The following ITPR1 variants were observed in gnomAD, a reference collection of about 807,000 sequenced individuals.
ITPR1 encodes inositol 1,4,5-trisphosphate receptor type 1, also known as inositol 1,4,5-trisphosphate-gated calcium channel ITPR1.
In ITPR1, 96 loss-of-function variants were observed where a neutral mutation model predicts 318.4. The observed-to-expected ratio is 0.30, with a 90% confidence interval of 0.26 to 0.36. The LOEUF is 0.36. Among genes scored for constraint, ITPR1 ranks in the 10% least tolerant of loss-of-function variants. The probability of loss-of-function intolerance (pLI) is 1.00; values close to 1 mark genes in which losing one functional copy is unlikely to be tolerated. For missense variants in ITPR1, 2,440 were observed against 3,460.2 expected, an observed-to-expected ratio of 0.71 and a Z score of 7.40; for synonymous variants, 1,312 against 1,289.9, an observed-to-expected ratio of 1.02 and a Z score of -0.37.
intron 4 of ITPR1, among the ~76,000 whole-genome samples, chr3:4,521,656 TCTGGGAATTCTAGACCAGC>T (rs1335423613): frequency 6.6e-6 from 1 of 151,734 alleles, no homozygotes; most frequent in Non-Finnish European, 1.5e-5. Context: ...TCTAGACGAG[TCTGGGAATTCTAGACCAGC>T]CTGGGCAACA....
At chr3:4,613,236 C>T (rs1385569861) in intron 4 of ITPR1, among the ~76,000 whole-genome samples, 1 of 152,164 alleles carries the variant, frequency 6.6e-6, no homozygotes, top group Non-Finnish European at 1.5e-5. Flanking sequence ...GTCAGTCTTC[C>T]ACTAAATATA....
intron 2 of ITPR1, among the ~76,000 whole-genome samples, chr3:4,495,371 G>T (rs1320987317): frequency 6.6e-6 from 1 of 152,102 alleles, no homozygotes; most frequent in African/African-American, 2.4e-5. Flanking sequence ...TACAATCTTT[G>T]GGCTTTTCTA....
chr3:4,735,170 G>A lies in ITPR1; in HGVS notation c.5360G>A (p.Gly1787Asp), dbSNP rs747553464. 6.2e-7 allele frequency: 1 copy of A among 1,612,542 alleles called. No individual in the cohort carries two copies. Among genetic ancestry groups the A allele is most frequent in the Non-Finnish European group, 8.5e-7 (1 of 1,178,598 alleles). ...GPGKPGGGGG[G>D]SGSSSMSRGE... ...CAATATTCCATCTTCTTAGGGGGAG[G>A]TTCCGGATCCAGCTCTATGAGCAGG... is the stretch of plus-strand genomic sequence containing the variant. The change falls in exon 44 of 62, where the codon GGT becomes GAT. Residue 1787 changes from glycine (G) to aspartate (D), a missense_variant. Coordinates refer to ENST00000649015, the MANE Select transcript of ITPR1 (RefSeq NM_001378452.1).
At chr3:4,712,673 C>T (rs1490870207) in intron 39 of ITPR1, among the ~76,000 whole-genome samples, 5 of 152,224 alleles carry the variant, frequency 3.3e-5, no homozygotes, top group Non-Finnish European at 5.9e-5. Flanking sequence ...ATAATTAAAT[C>T]AGCCTGCCTT....
chr3:4,710,572 C>T lies in ITPR1; in HGVS notation c.4991+99C>T. On this transcript the variant is annotated intron_variant, in intron 38 of 61. Coordinates refer to ENST00000649015, the MANE Select transcript of ITPR1 (RefSeq NM_001378452.1). The surrounding 1 kb of genome is among the most constrained non-coding windows in gnomAD (Gnocchi z 4.2). ...AAGGAGACGTTGTCCTGTTTTTTAACTTTGATGAATGCAAGGTCATGTGCT... is the reference window on the plus strand; with the variant it reads ...AAGGAGACGTTGTCCTGTTTTTTAATTTTGATGAATGCAAGGTCATGTGCT... The T allele has an allele frequency of 2.4e-6, 3 of 1,250,692 alleles. No homozygotes were observed. Among genetic ancestry groups the T allele is most frequent in the South Asian group, 3.0e-5 (2 of 66,678 alleles). 77.5% of individuals were successfully genotyped at this position (1,250,692 alleles called of 1,614,324 possible).
chr3:4,665,628 G>C (rs2093930199), intron 17 of ITPR1, among the ~76,000 whole-genome samples: 1 of 152,086 alleles, frequency 6.6e-6, no homozygotes, highest in Admixed American at 6.5e-5. Flanking sequence ...AGATATAGTG[G>C]AGTCTTTTCT....
rs1279593428 is a variant in ITPR1, at chr3:4,716,405, A to G, written c.5104-962A>G. ...TGTTGACTTAAGTTATTACTCAAAGAGCTTTGGAAAGAAATTCAGAGGCCA... is the reference window on the plus strand; with the variant it reads ...TGTTGACTTAAGTTATTACTCAAAGGGCTTTGGAAAGAAATTCAGAGGCCA... On this transcript the variant is annotated intron_variant, in intron 39 of 61. Coordinates refer to ENST00000649015, the MANE Select transcript of ITPR1 (RefSeq NM_001378452.1). Among the ~76,000 whole-genome samples the G allele has an allele frequency of 3.9e-5, 6 of 152,206 alleles. No individual in the cohort carries two copies. In the East Asian group the frequency reaches 7.7e-4, roughly 19 times the overall value.
At position 4,645,498 on chromosome 3, in the gene ITPR1, A is replaced by G. The variant is rs73108472; in HGVS notation, c.708+28A>G. On this transcript the variant is annotated intron_variant, in intron 9 of 61. Transcript: ENST00000649015. ...GAGTTTGATGCTTTATGGGCTGAGCATTACTTGGCTCTTCTTGGGGGCAGC... is the reference window on the plus strand; with the variant it reads ...GAGTTTGATGCTTTATGGGCTGAGCGTTACTTGGCTCTTCTTGGGGGCAGC... 2.6e-3 allele frequency: 4,192 copies of G among 1,605,554 alleles called. 98 individuals are homozygous for G. The African/African-American group carries it at 0.049, about 19-fold the overall frequency.
At chr3:4,593,064 T>A (rs1325715328) in intron 4 of ITPR1, among the ~76,000 whole-genome samples, 2 of 152,212 alleles carry the variant, frequency 1.3e-5, no homozygotes, top group African/African-American at 2.4e-5. Flanking sequence ...TTGCTCGAAG[T>A]CAGGAGATTT....
intron 4 of ITPR1, among the ~76,000 whole-genome samples, chr3:4,604,375 A>G (rs1378342340): frequency 6.6e-6 from 1 of 152,128 alleles, no homozygotes; most frequent in African/African-American, 2.4e-5. Context: ...ACCAAGATGT[A>G]AAGCATGTCC....
chr3:4,703,172 T>A (rs940492966), intron 36 of ITPR1, among the ~76,000 whole-genome samples: 1 of 152,188 alleles, frequency 6.6e-6, no homozygotes, highest in African/African-American at 2.4e-5. Context: ...CTAAGTCAGA[T>A]AGGCCTAGAT....
intron 32 of ITPR1, 149 bp from the exon 33 acceptor site, chr3:4,693,341 T>A: frequency 1.2e-6 from 1 of 830,440 alleles, no homozygotes; most frequent in Non-Finnish European, 1.9e-6. Flanking sequence ...AGTTGTTCAG[T>A]TATATAAATG....
intron 52 of ITPR1, 68 bp downstream of exon 52, chr3:4,788,207 A>C: frequency 1.6e-6 from 2 of 1,265,672 alleles, no homozygotes; most frequent in Non-Finnish European, 1.1e-6. Flanking sequence ...CTTGGGCTTG[A>C]TGGTGCGTTC....
chr3:4,614,354 A>G (rs72622154), intron 4 of ITPR1, among the ~76,000 whole-genome samples: 18,468 of 152,252 alleles, frequency 0.12, 1,780 homozygotes, highest in East Asian at 0.46. Flanking sequence ...CCAGCGTTGC[A>G]GTGTAACGTG....
Position 4,674,181 on chromosome 3 carries a change from T to C in ITPR1, c.2457-21T>C. 3 of 1,528,912 alleles carry C rather than the reference T, an allele frequency of 2.0e-6. No individual in the cohort carries two copies. In the South Asian group the frequency reaches 3.8e-5, roughly 19 times the overall value. 94.7% of individuals were successfully genotyped at this position (1,528,912 alleles called of 1,614,324 possible). On this transcript the variant is annotated intron_variant, in intron 21 of 61. Transcript: ENST00000649015. ...GGAATAACTTGAAATTTTGTTTCCTTTCTTTCTCCTTTCTTTTCAGCTATG... is the reference window on the plus strand; with the variant it reads ...GGAATAACTTGAAATTTTGTTTCCTCTCTTTCTCCTTTCTTTTCAGCTATG...
chr3:4,695,243 T>C (rs2094539583), intron 33 of ITPR1, among the ~76,000 whole-genome samples: 1 of 152,244 alleles, frequency 6.6e-6, no homozygotes, highest in Admixed American at 6.5e-5. Context: ...TATCACACTT[T>C]TGGGTTCTCA....
intron 44 of ITPR1, among the ~76,000 whole-genome samples, chr3:4,756,087 A>G (rs1478450283): frequency 2.6e-5 from 4 of 152,160 alleles, no homozygotes; most frequent in African/African-American, 9.7e-5. Flanking sequence ...CTGAATGCCC[A>G]TTGTACTCAC....
intron 4 of ITPR1, among the ~76,000 whole-genome samples, chr3:4,600,620 C>G (rs183657697): frequency 6.6e-6 from 1 of 152,198 alleles, no homozygotes; most frequent in Admixed American, 6.5e-5. Context: ...TTTGTGTCTT[C>G]TACGTAAAAT....
At position 4,550,337 on chromosome 3, in the gene ITPR1, C is replaced by T. The variant is rs116340429; in HGVS notation, c.163+29243C>T. Among the ~76,000 whole-genome samples the T allele has an allele frequency of 1.9e-3, 282 of 152,240 alleles. 2 individuals are homozygous for T. Among genetic ancestry groups the T allele is most frequent in the African/African-American group, 6.1e-3 (254 of 41,536 alleles). Reference sequence around the variant, plus strand: ...GACAGCAAATGGGCATTGACCAGTCCGCTGCCAGAGCGCTTGGTGACCGTC... The same window carrying T: ...GACAGCAAATGGGCATTGACCAGTCTGCTGCCAGAGCGCTTGGTGACCGTC... On this transcript the variant is annotated intron_variant, in intron 4 of 61. Transcript: ENST00000649015.
Sources: gnomAD v4.1 joint callset for allele counts (sites outside exome capture counted in the v4.1 genomes callset) on GRCh38, gnomAD v4.1.1 for gene constraint, Gnocchi (gnomAD v3.1) non-coding constraint, MANE v1.5 for transcripts, NCBI Gene and HGNC (gene_info 2026-07-23, HGNC 2026-07-21) for gene names.